The following HEATR1 variants were observed in gnomAD, a reference collection of about 807,000 sequenced individuals.
The protein encoded by HEATR1 is HEAT repeat containing 1.
HEATR1 carries 77 observed loss-of-function variants against 248.2 expected under a neutral mutation model. The observed-to-expected ratio is 0.31, with a 90% confidence interval of 0.26 to 0.37. The LOEUF (loss-of-function observed/expected upper bound fraction) is 0.37, where lower values mean the gene tolerates loss of function less well. HEATR1 is among the 10% of genes least tolerant of loss of function. The probability of loss-of-function intolerance (pLI) is 1.00; values close to 1 mark genes in which losing one functional copy is unlikely to be tolerated. For synonymous variants in HEATR1, 897 were observed against 923.1 expected (o/e 0.97, Z 0.51); for missense variants, 2,420 against 2,504.9 (o/e 0.97, Z 0.72).
Position 236,567,301 on chromosome 1 carries a change from C to T in HEATR1, c.4078-425G>A, listed in dbSNP as rs182186371. On this transcript the variant is annotated intron_variant, in intron 29 of 44. Transcript: ENST00000366582. ...CCACAAGAGTTTTAATAATCAAAGG[C>T]CTAACAATAAATATTCAGTAAGTAC... 7.6e-4 allele frequency among the ~76,000 whole-genome samples: 116 copies of T among 152,272 alleles called. 1 individual carries two copies. The highest frequency in any genetic ancestry group is 3.5e-4 in the Non-Finnish European group (24 of 68,028).
At position 236,566,008 on chromosome 1, in the gene HEATR1, G is replaced by A; in HGVS notation, c.4346C>T (p.Ser1449Leu). The A allele has an allele frequency of 6.2e-7, 1 of 1,613,910 alleles. No individual in the cohort carries two copies. ...ILEADTEFWF[S>L]VCCEFSVQHQ... ...CTGGACACTAAACTCACAACAGACT[G>A]AAAACCAAAATTCAGTGTCTGCTTC... is the stretch of plus-strand genomic sequence containing the variant. Residue 1449 changes from serine (S) to leucine (L), a missense_variant, in exon 31 of 45, where the codon TCA becomes TTA. Coordinates refer to ENST00000366582, the MANE Select transcript of HEATR1 (RefSeq NM_018072.6).
At chr1:236,595,433 T>A in intron 8 of HEATR1, 107 bp downstream of exon 8, 2 of 934,738 alleles carry the variant, frequency 2.1e-6, no homozygotes, top group South Asian at 2.3e-5. Flanking sequence ...CAAGAACAAC[T>A]GGAAAACAGA....
At chr1:236,594,308 C>T (rs1365449863) in intron 8 of HEATR1, among the ~76,000 whole-genome samples, 194 bp from the exon 9 acceptor site, 1 of 152,082 alleles carries the variant, frequency 6.6e-6, no homozygotes, top group East Asian at 1.9e-4. Context: ...TATAGATCAC[C>T]TTCATTTTTC....
At chr1:236,566,167 G>A (rs935662662) in intron 30 of HEATR1, 122 bp from the exon 31 acceptor site, 5 of 864,974 alleles carry the variant, frequency 5.8e-6, no homozygotes, top group Non-Finnish European at 8.6e-6. Context: ...AGAGTGGGTC[G>A]AGATCTACTC....
chr1:236,565,801 A>T, intron 31 of HEATR1, 118 bp downstream of exon 31: 1 of 993,792 alleles, frequency 1.0e-6, no homozygotes, highest in Non-Finnish European at 1.5e-6. Flanking sequence ...CAATCAAATT[A>T]AAATGATTAA....
At position 236,587,461 on chromosome 1, in the gene HEATR1, C is replaced by T; in HGVS notation, c.1656G>A (p.Val552=). ...AGAGATTCAGAAGATTTGAAATCGTCACTTCTGAACTGAAGTGTTCTTTGA... is the reference window on the plus strand; with the variant it reads ...AGAGATTCAGAAGATTTGAAATCGTTACTTCTGAACTGAAGTGTTCTTTGA... ...EIFKEHFSSE[V]TISNLLNLFQ... is the part of the protein sequence containing the mutation. Residue 552 remains valine, a synonymous_variant, in exon 14 of 45, where the codon GTG becomes GTA. Transcript: ENST00000366582. 1 of 1,535,874 alleles carries T rather than the reference C, an allele frequency of 6.5e-7. No individual in the cohort carries two copies.
At chr1:236,572,369 T>TA in intron 26 of HEATR1, 42 bp downstream of exon 26, 1 of 1,593,612 alleles carries the variant, frequency 6.3e-7, no homozygotes, top group Non-Finnish European at 8.6e-7. Flanking sequence ...GGGCAAGAAT[T>TA]AGAGTCCTAT....
Position 236,576,130 on chromosome 1 carries a change from T to C in HEATR1, c.3084+89A>G, listed in dbSNP as rs879167801. On this transcript the variant is annotated intron_variant, in intron 22 of 44. Coordinates refer to ENST00000366582, the MANE Select transcript of HEATR1 (RefSeq NM_018072.6). ...TCTCTTCTGAGCGCACACATGCAAC[T>C]CTTACAATTGTCTTCTTCACCCACA... The C allele has an allele frequency of 1.0e-4, 102 of 1,015,586 alleles. 1 individual carries two copies. In the South Asian group the frequency reaches 2.1e-3, roughly 21 times the overall value. The allele number at this position is 1,015,586 out of a possible 1,614,324, so 62.9% of individuals were successfully genotyped here. A position where few individuals can be genotyped will look rare whatever the true frequency, so the allele number is the denominator to read the frequency against.
intron 24 of HEATR1, among the ~76,000 whole-genome samples, chr1:236,573,536 ATT>A (rs56276595): frequency 3.3e-5 from 5 of 150,810 alleles, no homozygotes; most frequent in African/African-American, 7.3e-5. Context: ...CCAAGGAATT[ATT>A]TTTTTTTTTA....
rs1664172470 is a variant in HEATR1 at position 236,596,149 on chromosome 1, TA to T, written c.745-106del. The T allele has an allele frequency of 1.1e-5, 9 of 792,004 alleles. No homozygotes were observed. The South Asian group carries it at 1.6e-4, about 14-fold the overall frequency. 49.1% of individuals were successfully genotyped at this position (792,004 alleles called of 1,614,324 possible). A position where few individuals can be genotyped will look rare whatever the true frequency, so the allele number is the denominator to read the frequency against. ...AAATGTCATAGAGATTAATACAACC[TA>T]ATGCATAGTCAATCACTCTTCAGAC... is the stretch of plus-strand genomic sequence containing the variant. On this transcript the variant is annotated intron_variant, in intron 6 of 44. Transcript: ENST00000366582.
intron 28 of HEATR1, among the ~76,000 whole-genome samples, chr1:236,570,810 A>G (rs1663407043): frequency 6.6e-6 from 1 of 152,188 alleles, no homozygotes. Context: ...GATCCCCTAA[A>G]GCTCATGGAG....
chr1:236,589,880 A>C lies in HEATR1; in HGVS notation c.1530+967T>G, dbSNP rs190195116. 1.8e-4 allele frequency among the ~76,000 whole-genome samples: 28 copies of C among 152,356 alleles called. No individual in the cohort carries two copies. The East Asian group carries it at 5.4e-3, about 29-fold the overall frequency. On this transcript the variant is annotated intron_variant, in intron 12 of 44. Transcript: ENST00000366582. ...CCCACAATTTGAAGGCTATGTAAAA[A>C]AATAATGAGTCCATCTGAAATAAAG...
In HEATR1 at chr1:236,568,457, CAA is replaced by C. The variant is rs1663331454; in HGVS notation, c.4077+537_4077+538del. Among the ~76,000 whole-genome samples the C allele has an allele frequency of 2.6e-5, 4 of 152,248 alleles. No homozygotes were observed. The South Asian group carries it at 8.3e-4, about 32-fold the overall frequency. ...TACATAGACAACTCAAGTAGATGAA[CAA>C]GCTCTTTTACTCTTGAGGCTACTTT... On this transcript the variant is annotated intron_variant, in intron 29 of 44. Transcript: ENST00000366582.
In HEATR1 at chr1:236,595,952, C is replaced by G. The variant is rs760103726; in HGVS notation, c.837G>C (p.Val279=). 1.2e-6 allele frequency: 2 copies of G among 1,613,742 alleles called. No individual in the cohort carries two copies. The highest frequency in any genetic ancestry group is 1.7e-6 in the Non-Finnish European group (2 of 1,179,716). The change falls in exon 7 of 45, where the codon GTG becomes GTC. Residue 279 remains valine (V), a synonymous_variant. Coordinates refer to ENST00000366582, the MANE Select transcript of HEATR1 (RefSeq NM_018072.6). ...TGATGATCTGTGATGCCAATGAATT[C>G]ACAAAGGTATTTTCCATGGTCACTT... is the stretch of plus-strand genomic sequence containing the variant. ...SVKVTMENTF[V]NSLASQIIKT... is the part of the protein sequence containing the mutation.
chr1:236,601,247 AT>A (rs1328008251), intron 3 of HEATR1, among the ~76,000 whole-genome samples: 1 of 145,024 alleles, frequency 6.9e-6, no homozygotes, highest in African/African-American at 2.6e-5. Context: ...CCACGTCTCC[AT>A]TTTTTGTTTT....
chr1:236,593,950 C>G, intron 9 of HEATR1, 62 bp downstream of exon 9: 1 of 1,129,754 alleles, frequency 8.9e-7, no homozygotes, highest in East Asian at 2.4e-5. Context: ...TCTAACCAAT[C>G]TTGAAAATTA....
rs572829428 is a variant in HEATR1 at position 236,553,774 on chromosome 1, G to C, written c.6079-35C>G. On this transcript the variant is annotated intron_variant, in intron 42 of 44. Coordinates refer to ENST00000366582, the MANE Select transcript of HEATR1 (RefSeq NM_018072.6). Reference sequence around the variant, plus strand: ...GTAAGACAAAGACTTTGAACAACAAGTCTCATTTCTTTCTTCTGTTTGAAA... The same window carrying C: ...GTAAGACAAAGACTTTGAACAACAACTCTCATTTCTTTCTTCTGTTTGAAA... 3 of 1,568,738 alleles carry C rather than the reference G, an allele frequency of 1.9e-6. No individual in the cohort carries two copies. The South Asian group carries it at 3.5e-5, about 18-fold the overall frequency.
At chr1:236,582,496 G>A (rs2758187) in intron 19 of HEATR1, among the ~76,000 whole-genome samples, 81,315 of 150,794 alleles carry the variant, frequency 0.54, 23,716 homozygotes, top group Non-Finnish European at 0.65. Flanking sequence ...TCTGCCTCCC[G>A]GGTTCAAGCG....
intron 44 of HEATR1, chr1:236,551,401 C>A: frequency 8.7e-6 from 1 of 114,292 alleles, no homozygotes; most frequent in South Asian, 1.9e-4. Context: ...ATTTCCTGGG[C>A]CTAAGACTCT....
Sources: gnomAD v4.1 joint callset for allele counts (sites outside exome capture counted in the v4.1 genomes callset) on GRCh38, gnomAD v4.1.1 for gene constraint, MANE v1.5 for transcripts, NCBI Gene and HGNC (gene_info 2026-07-23, HGNC 2026-07-21) for gene names.